Variants in RABGAP1L observed in about 807,000 individuals in gnomAD.
RABGAP1L encodes RAB GTPase activating protein 1 like, also known as rab GTPase-activating protein 1-like.
Under a neutral mutation model 137.7 loss-of-function variants are expected in RABGAP1L, and 63 were observed. That is an observed-to-expected ratio of 0.46 (90% confidence interval 0.37 to 0.56). RABGAP1L has a LOEUF of 0.56. Ranked by LOEUF, RABGAP1L falls within the 20% of genes least tolerant of loss-of-function variation. The pLI, the probability that RABGAP1L is intolerant of heterozygous loss-of-function variation, is 0.00. For missense variants in RABGAP1L, 1,095 were observed against 1,244.0 expected (o/e 0.88, Z 1.80); for synonymous variants, 431 against 433.7 (o/e 0.99, Z 0.08).
intron 13 of RABGAP1L, among the ~76,000 whole-genome samples, chr1:174,564,374 C>T (rs916380912): frequency 1.3e-5 from 2 of 152,038 alleles, no homozygotes; most frequent in African/African-American, 4.8e-5. Context: ...TAATATTTAC[C>T]ATTTAGGATA....
intron 12 of RABGAP1L, among the ~76,000 whole-genome samples, chr1:174,391,324 AT>A (rs1687193984): frequency 1.3e-5 from 2 of 152,058 alleles, no homozygotes; most frequent in African/African-American, 4.8e-5. Context: ...ATTTTTTTCA[AT>A]GTTCTTAATT....
intron 10 of RABGAP1L, among the ~76,000 whole-genome samples, chr1:174,279,811 C>T (rs1435233213): frequency 6.6e-6 from 1 of 151,960 alleles, no homozygotes; most frequent in Admixed American, 6.6e-5. Context: ...TCCTGTCTTC[C>T]TTCCTCCCCA....
chr1:174,454,714 T>G (rs1211907347), intron 13 of RABGAP1L, among the ~76,000 whole-genome samples: 2 of 151,924 alleles, frequency 1.3e-5, no homozygotes, highest in Non-Finnish European at 2.9e-5. Context: ...CACTCCCAGC[T>G]AATTTTTTGT....
intron 15 of RABGAP1L, among the ~76,000 whole-genome samples, chr1:174,693,735 A>G (rs1023055567): frequency 1.3e-5 from 2 of 152,230 alleles, no homozygotes; most frequent in African/African-American, 4.8e-5. Context: ...GAAAAAAATA[A>G]ACATGGTGTC....
At chr1:174,775,811 G>A (rs1018824973) in intron 18 of RABGAP1L, among the ~76,000 whole-genome samples, 16 of 152,104 alleles carry the variant, frequency 1.1e-4, no homozygotes, top group African/African-American at 3.6e-4. Flanking sequence ...TTTCAGGTCT[G>A]TGATGGTCCC....
intron 19 of RABGAP1L, among the ~76,000 whole-genome samples, chr1:174,930,330 CTTT>C (rs893570655): frequency 4.3e-5 from 6 of 139,468 alleles, no homozygotes; most frequent in Non-Finnish European, 3.2e-5. Context: ...GATCAAACTT[CTTT>C]TTTTTTTTTT....
At chr1:174,353,147 T>C (rs1213517930) in intron 11 of RABGAP1L, among the ~76,000 whole-genome samples, 1 of 152,048 alleles carries the variant, frequency 6.6e-6, no homozygotes, top group East Asian at 1.9e-4. Context: ...CTACCAAGAG[T>C]GGATTCCCTT....
At chr1:174,254,865 G>GCTGGGTCAAATGGTATTT (rs1289744408) in intron 7 of RABGAP1L, among the ~76,000 whole-genome samples, 1 of 152,180 alleles carries the variant, frequency 6.6e-6, no homozygotes, top group Non-Finnish European at 1.5e-5. Flanking sequence ...TAATGGGATT[G>GCTGGGTCAAATGGTATTT]CTGGGTCAAA....
chr1:174,257,450 C>A (rs1342105711), intron 7 of RABGAP1L, among the ~76,000 whole-genome samples: 4 of 152,082 alleles, frequency 2.6e-5, no homozygotes, highest in Non-Finnish European at 4.4e-5. Context: ...TATATATGTT[C>A]TTTGCTAACT....
chr1:174,980,449 T>C (rs1057507685), intron 23 of RABGAP1L, among the ~76,000 whole-genome samples: 3 of 152,192 alleles, frequency 2.0e-5, no homozygotes, highest in South Asian at 2.1e-4. Flanking sequence ...AGGAAACTTA[T>C]TACATGTGGG....
chr1:174,167,726 A>G (rs1665026328), intron 1 of RABGAP1L, among the ~76,000 whole-genome samples: 1 of 152,214 alleles, frequency 6.6e-6, no homozygotes, highest in Non-Finnish European at 1.5e-5. Flanking sequence ...GACTTCTACT[A>G]CAAGTGATGC....
At chr1:174,432,983 A>G (rs1299031453) in intron 13 of RABGAP1L, among the ~76,000 whole-genome samples, 4 of 152,218 alleles carry the variant, frequency 2.6e-5, no homozygotes, top group South Asian at 2.1e-4. Context: ...TTAGATAGAA[A>G]TCTTACTGAT....
intron 11 of RABGAP1L, among the ~76,000 whole-genome samples, chr1:174,362,095 C>A (rs1255081761): frequency 6.6e-6 from 1 of 152,140 alleles, no homozygotes; most frequent in Admixed American, 6.5e-5. Context: ...CCATCCATGT[C>A]CCTGCAAAGG....
At chr1:174,170,767 G>C (rs1315620610) in intron 1 of RABGAP1L, among the ~76,000 whole-genome samples, 1 of 150,900 alleles carries the variant, frequency 6.6e-6, no homozygotes, top group African/African-American at 2.4e-5. Context: ...CTACTACTCT[G>C]TATTGACAAT....
intron 14 of RABGAP1L, among the ~76,000 whole-genome samples, chr1:174,670,821 T>C (rs1677125446): frequency 6.6e-6 from 1 of 152,186 alleles, no homozygotes; most frequent in South Asian, 2.1e-4. Flanking sequence ...TGCTTCCAAG[T>C]CTTGGCTAAT....
intron 18 of RABGAP1L, among the ~76,000 whole-genome samples, chr1:174,776,601 T>C (rs1368177584): frequency 6.6e-6 from 1 of 152,208 alleles, no homozygotes; most frequent in Non-Finnish European, 1.5e-5. Flanking sequence ...ATTCAGTTCC[T>C]TCTGAGTAAA....
chr1:174,842,981 A>G (rs1384789375), intron 19 of RABGAP1L, among the ~76,000 whole-genome samples: 1 of 152,154 alleles, frequency 6.6e-6, no homozygotes, highest in Admixed American at 6.6e-5. Flanking sequence ...TTTGTTTGTC[A>G]AAGCAAAAAT....
chr1:174,427,252 A>G lies in RABGAP1L; in HGVS notation c.1710+33107A>G, dbSNP rs1652073260. ...TTGCATTGTGCTGCTTAGTGGGCCA[A>G]AAATTACCCAAGATGATTGCTGATC... On this transcript the variant is annotated intron_variant, in intron 13 of 25. Transcript: ENST00000681986. Among the ~76,000 whole-genome samples, 3 of 152,044 alleles carry G rather than the reference A, an allele frequency of 2.0e-5. No individual in the cohort carries two copies. In the South Asian group the frequency reaches 6.2e-4, roughly 32 times the overall value.
At chr1:174,910,991 T>C (rs1659961943) in intron 19 of RABGAP1L, among the ~76,000 whole-genome samples, 1 of 152,240 alleles carries the variant, frequency 6.6e-6, no homozygotes, top group Non-Finnish European at 1.5e-5. Flanking sequence ...CTAGCCATCC[T>C]AGTTTGTGTA....
Sources: gnomAD v4.1 joint callset for allele counts (sites outside exome capture counted in the v4.1 genomes callset) on GRCh38, gnomAD v4.1.1 for gene constraint, MANE v1.5 for transcripts, NCBI Gene and HGNC (gene_info 2026-07-23, HGNC 2026-07-21) for gene names.